Variants in ZNF365 observed in about 807,000 individuals in gnomAD.
The protein encoded by ZNF365 is protein ZNF365.
A neutral mutation model predicts 35.0 loss-of-function variants in ZNF365; 22 were observed. That is an observed-to-expected ratio of 0.63 (90% CI 0.45 to 0.90). ZNF365 has a LOEUF of 0.90. Among genes scored for constraint, ZNF365 ranks in the 40% least tolerant of loss-of-function variants. The pLI, the probability that ZNF365 is intolerant of heterozygous loss-of-function variation, is 0.00. For missense variants in ZNF365, 448 were observed against 500.3 expected (o/e 0.90, Z 1.00); for synonymous variants, 188 against 196.2 (o/e 0.96, Z 0.35).
intron 3 of ZNF365, among the ~76,000 whole-genome samples, chr10:62,452,819 A>T (rs966923568): frequency 6.6e-6 from 1 of 152,264 alleles, no homozygotes. Flanking sequence ...GTAGACAAGT[A>T]GAAATGAAGA....
At chr10:62,382,169 T>C (rs543785162) in intron 2 of ZNF365, among the ~76,000 whole-genome samples, 6 of 152,344 alleles carry the variant, frequency 3.9e-5, no homozygotes, top group African/African-American at 9.6e-5. Flanking sequence ...TCTGATTTGG[T>C]AACTTGCTTT....
chr10:62,411,947 A>G (rs1212711065), intron 3 of ZNF365, among the ~76,000 whole-genome samples: 1 of 151,978 alleles, frequency 6.6e-6, no homozygotes, highest in Non-Finnish European at 1.5e-5. Context: ...AGAGAACCTA[A>G]ACCAAACAAA....
At chr10:62,457,090 CTCT>C (rs1226864101) in intron 3 of ZNF365, among the ~76,000 whole-genome samples, 8 of 152,152 alleles carry the variant, frequency 5.3e-5, no homozygotes, top group African/African-American at 1.4e-4. Context: ...TTCCATATGT[CTCT>C]TATCTTCTTT....
chr10:62,428,856 G>T (rs552692228), intron 3 of ZNF365, among the ~76,000 whole-genome samples: 1 of 152,176 alleles, frequency 6.6e-6, no homozygotes, highest in Non-Finnish European at 1.5e-5. Flanking sequence ...ATATTTAACA[G>T]CTCGCTTGGG....
At chr10:62,450,714 A>C (rs1840667688) in intron 3 of ZNF365, among the ~76,000 whole-genome samples, 1 of 152,230 alleles carries the variant, frequency 6.6e-6, no homozygotes, top group Non-Finnish European at 1.5e-5. Context: ...AAGAAACTAG[A>C]AACAGGTGAC....
At chr10:62,438,721 C>T (rs1056772231) in intron 3 of ZNF365, among the ~76,000 whole-genome samples, 5 of 152,178 alleles carry the variant, frequency 3.3e-5, no homozygotes, top group African/African-American at 4.8e-5. Context: ...TGCCTTACTC[C>T]GGGTGCTTTC....
chr10:62,424,023 G>A (rs556845532), intron 3 of ZNF365, among the ~76,000 whole-genome samples: 16 of 152,120 alleles, frequency 1.1e-4, no homozygotes, highest in African/African-American at 3.6e-4. Context: ...CTCGAGGTTA[G>A]GATAAAGAAA....
At chr10:62,394,376 G>T (rs563930052) in intron 3 of ZNF365, among the ~76,000 whole-genome samples, 97 of 152,312 alleles carry the variant, frequency 6.4e-4, no homozygotes, top group Non-Finnish European at 9.7e-4. Context: ...ACTGAGAGCA[G>T]TTTCCTCAGT....
At chr10:62,471,140 G>A (rs1841028195) in intron 4 of ZNF365, among the ~76,000 whole-genome samples, 1 of 152,052 alleles carries the variant, frequency 6.6e-6, no homozygotes, top group Non-Finnish European at 1.5e-5. Flanking sequence ...GCCAAGGCGG[G>A]CGGATCACGA....
At chr10:62,458,867 G>A (rs909802759) in intron 3 of ZNF365, among the ~76,000 whole-genome samples, 4 of 152,002 alleles carry the variant, frequency 2.6e-5, no homozygotes, top group Admixed American at 2.0e-4. Flanking sequence ...TCTATATTTT[G>A]GTTTTTTGTT....
chr10:62,479,945 C>A (rs750050399), exon 5 of ZNF365: 4 of 1,609,924 alleles, frequency 2.5e-6, no homozygotes, highest in Non-Finnish European at 3.4e-6. Context: ...TCAAGAGAAT[C>A]GCAAATTAAT....
rs1425524932 is a variant in ZNF365 at position 62,398,096 on chromosome 10, G to A, written c.925-644G>A. 2.0e-5 allele frequency among the ~76,000 whole-genome samples: 3 copies of A among 152,116 alleles called. No homozygotes were observed. The East Asian group carries it at 5.8e-4, about 29-fold the overall frequency. On this transcript the variant is annotated intron_variant, in intron 3 of 4. Coordinates refer to ENST00000395254, the MANE Select transcript of ZNF365 (RefSeq NM_014951.3). ...TTCGATCCAGCAATCCCTCTACTGG[G>A]TATCTACCCAAAGGAAAAGAAGTAA... is the stretch of plus-strand genomic sequence containing the variant.
chr10:62,414,367 CTT>C (rs5785524), intron 3 of ZNF365, among the ~76,000 whole-genome samples: 37 of 149,616 alleles, frequency 2.5e-4, no homozygotes, highest in South Asian at 8.5e-4. Flanking sequence ...CTGACTAATT[CTT>C]TTTTTTTTTT....
At chr10:62,437,087 A>T (rs1840419202) in intron 3 of ZNF365, among the ~76,000 whole-genome samples, 1 of 152,192 alleles carries the variant, frequency 6.6e-6, no homozygotes, top group South Asian at 2.1e-4. Context: ...GTTTCCAGTG[A>T]TTTCAGAATC....
At chr10:62,474,768 C>T (rs183438070) in intron 4 of ZNF365, among the ~76,000 whole-genome samples, 3 of 152,268 alleles carry the variant, frequency 2.0e-5, no homozygotes, top group Non-Finnish European at 2.9e-5. Context: ...CAAAACTAAA[C>T]GTTTTCTCCC....
intron 3 of ZNF365, among the ~76,000 whole-genome samples, chr10:62,418,459 T>C (rs1249997927): frequency 6.6e-6 from 1 of 151,908 alleles, no homozygotes; most frequent in East Asian, 1.9e-4. Context: ...ATGACTTCTC[T>C]TCAAAAAAAG....
intron 3 of ZNF365, among the ~76,000 whole-genome samples, chr10:62,457,834 T>C (rs777857254): frequency 6.6e-6 from 1 of 152,198 alleles, no homozygotes; most frequent in Non-Finnish European, 1.5e-5. Flanking sequence ...TGGCTGGCTG[T>C]GTACATGGGT....
rs946481228 is a variant in ZNF365 at position 62,401,903 on chromosome 10, G to T, written c.*2114G>T. On this transcript the variant is annotated 3_prime_UTR_variant, in exon 5 of 5. Coordinates refer to ENST00000395254, the MANE Select transcript of ZNF365 (RefSeq NM_014951.3). Reference sequence around the variant, plus strand: ...CACAAGACGAATTATTTTGAGATTTGTTTATTATATTAAAATGTTTTTTTA... The same window carrying T: ...CACAAGACGAATTATTTTGAGATTTTTTTATTATATTAAAATGTTTTTTTA... The T allele has an allele frequency of 8.1e-6, 8 of 985,006 alleles. No homozygotes were observed. In the African/African-American group the frequency reaches 1.4e-4, roughly 17 times the overall value. 61.0% of individuals were successfully genotyped at this position (985,006 alleles called of 1,614,324 possible).
intron 3 of ZNF365, among the ~76,000 whole-genome samples, chr10:62,424,129 T>C (rs1033756740): frequency 2.6e-5 from 4 of 152,174 alleles, no homozygotes; most frequent in African/African-American, 9.7e-5. Flanking sequence ...ACATGATTGA[T>C]CAGACCAAAT....
Sources: gnomAD v4.1 joint callset for allele counts (sites outside exome capture counted in the v4.1 genomes callset) on GRCh38, gnomAD v4.1.1 for gene constraint, MANE v1.5 for transcripts, NCBI Gene and HGNC (gene_info 2026-07-23, HGNC 2026-07-21) for gene names.